Variants in SGCD observed in about 807,000 individuals in gnomAD.
The protein encoded by SGCD is delta-sarcoglycan.
SGCD carries 18 observed loss-of-function variants against 36.6 expected under a neutral mutation model. The observed-to-expected ratio is 0.49, with a 90% confidence interval of 0.34 to 0.73. The LOEUF (loss-of-function observed/expected upper bound fraction) is 0.73. Ranked by LOEUF, SGCD falls within the 30% of genes least tolerant of loss-of-function variation. The probability of loss-of-function intolerance (pLI) is 0.01; values close to 1 mark genes in which losing one functional copy is unlikely to be tolerated. For missense variants in SGCD, 387 were observed against 346.7 expected, an observed-to-expected ratio of 1.12 and a Z score of -0.92; for synonymous variants, 133 against 130.6, an observed-to-expected ratio of 1.02 and a Z score of -0.12.
chr5:156,525,542 AT>A (rs1163214337), intron 4 of SGCD, among the ~76,000 whole-genome samples: 1,456 of 145,356 alleles, frequency 0.01, 21 homozygotes, highest in African/African-American at 0.024. Context: ...CATTTTGTTG[AT>A]TTTTTTTTTT....
At chr5:155,730,087 G>A in the SGCD span, among the ~76,000 whole-genome samples, 1 of 152,180 alleles carries the variant, frequency 6.6e-6, no homozygotes, top group Non-Finnish European at 1.5e-5. Context: ...GTGTGCGAGT[G>A]AGCGTGGAGA....
At chr5:156,249,956 G>T (rs917201089) in intron 3 of SGCD, among the ~76,000 whole-genome samples, 9 of 152,044 alleles carry the variant, frequency 5.9e-5, no homozygotes, top group African/African-American at 1.9e-4. Context: ...AACATTCCTG[G>T]GCCATGTGCC....
At chr5:156,140,760 T>A (rs145500397) in intron 3 of SGCD, among the ~76,000 whole-genome samples, 44 of 152,334 alleles carry the variant, frequency 2.9e-4, no homozygotes, top group African/African-American at 1.0e-3. Flanking sequence ...TAAAAAAGCA[T>A]GTTTAGGAGA....
intron 4 of SGCD, among the ~76,000 whole-genome samples, chr5:156,558,734 C>A (rs1759149556): frequency 6.6e-6 from 1 of 152,062 alleles, no homozygotes; most frequent in African/African-American, 2.4e-5. Context: ...GAGAGGAAAG[C>A]CCTAAGTGAA....
the SGCD span, among the ~76,000 whole-genome samples, chr5:155,772,430 T>C: frequency 1.3e-5 from 2 of 152,098 alleles, no homozygotes; most frequent in Non-Finnish European, 2.9e-5. Flanking sequence ...TAAAGAGCAG[T>C]AGCAGCCAGG....
chr5:156,351,685 G>A (rs537655435), intron 3 of SGCD, among the ~76,000 whole-genome samples: 104 of 152,022 alleles, frequency 6.8e-4, no homozygotes, highest in African/African-American at 2.3e-3. Flanking sequence ...CTACACTGTC[G>A]CAGTTACAGT....
At chr5:156,696,613 G>A (rs572186052) in intron 7 of SGCD, among the ~76,000 whole-genome samples, 52 of 152,166 alleles carry the variant, frequency 3.4e-4, no homozygotes, top group African/African-American at 1.2e-3. Flanking sequence ...AGCTTCAAGC[G>A]ATTCTCCTGC....
chr5:156,278,806 C>G (rs1381801532), intron 3 of SGCD, among the ~76,000 whole-genome samples: 1 of 152,174 alleles, frequency 6.6e-6, no homozygotes, highest in Non-Finnish European at 1.5e-5. Context: ...GAGTTTCCTT[C>G]CATGTGTCCT....
chr5:156,281,794 GGTAAAAT>G (rs1766459887), intron 3 of SGCD, among the ~76,000 whole-genome samples: 1 of 152,132 alleles, frequency 6.6e-6, no homozygotes, highest in Admixed American at 6.5e-5. Context: ...CCAGGAAACT[GGTAAAAT>G]GATGTCATCA....
intron 7 of SGCD, among the ~76,000 whole-genome samples, chr5:156,700,074 A>C (rs765132261): frequency 1.1e-4 from 17 of 152,174 alleles, no homozygotes; most frequent in Admixed American, 2.6e-4. Flanking sequence ...CTACTCCATC[A>C]TTCCCGCCCA....
intron 1 of SGCD, among the ~76,000 whole-genome samples, chr5:155,963,537 C>T (rs1399916269): frequency 3.3e-5 from 5 of 152,092 alleles, no homozygotes; most frequent in African/African-American, 1.2e-4. Flanking sequence ...TGAGCAATCA[C>T]TTCATACTAG....
chr5:155,865,919 T>C (rs1302790178), upstream of SGCD, among the ~76,000 whole-genome samples: 1 of 152,218 alleles, frequency 6.6e-6, no homozygotes. Context: ...CTTCTTTCAT[T>C]TTCAAGAAAA....
At chr5:155,875,683 C>T (rs181250550) in intron 1 of SGCD, among the ~76,000 whole-genome samples, 14 of 151,296 alleles carry the variant, frequency 9.3e-5, no homozygotes, top group South Asian at 4.2e-4. Flanking sequence ...TTTTTACCCC[C>T]TCTTTATAGC....
intron 4 of SGCD, among the ~76,000 whole-genome samples, chr5:156,509,882 G>A (rs1199789707): frequency 1.3e-5 from 2 of 152,108 alleles, no homozygotes; most frequent in African/African-American, 4.8e-5. Context: ...AGAATTTGCT[G>A]GTTGAAAAGG....
At chr5:156,575,146 G>T (rs573924306) in intron 4 of SGCD, among the ~76,000 whole-genome samples, 30 of 152,302 alleles carry the variant, frequency 2.0e-4, no homozygotes, top group African/African-American at 7.0e-4. Flanking sequence ...TGTCTGTATT[G>T]CTATCTGTGC....
chr5:156,670,000 G>A (rs768832486), intron 7 of SGCD, among the ~76,000 whole-genome samples: 5 of 152,162 alleles, frequency 3.3e-5, no homozygotes, highest in South Asian at 4.1e-4. Flanking sequence ...GCGATGTGCA[G>A]TGATTGTCCC....
intron 4 of SGCD, among the ~76,000 whole-genome samples, chr5:156,518,091 A>G (rs963735977): frequency 6.6e-6 from 1 of 152,194 alleles, no homozygotes; most frequent in African/African-American, 2.4e-5. Context: ...TATTCAAGAG[A>G]CCCATCTCAC....
chr5:155,755,737 T>C, the SGCD span, among the ~76,000 whole-genome samples: 8 of 152,230 alleles, frequency 5.3e-5, no homozygotes, highest in African/African-American at 1.9e-4. Flanking sequence ...ATTTATTCTG[T>C]TCTGTGTAAC....
chr5:156,455,978 A>C (rs1320561541), intron 3 of SGCD, among the ~76,000 whole-genome samples: 1 of 152,176 alleles, frequency 6.6e-6, no homozygotes, highest in African/African-American at 2.4e-5. Context: ...GCGAGGGAGA[A>C]GTCTCAGAGG....
Sources: allele counts gnomAD v4.1 joint callset (sites outside exome capture counted in the v4.1 genomes callset), GRCh38; gene constraint gnomAD v4.1.1; transcripts MANE v1.5; gene names NCBI Gene and HGNC (gene_info 2026-07-23, HGNC 2026-07-21).